Variants in MREG observed in about 807,000 individuals in gnomAD.
MREG encodes dilute suppressor protein homolog.
In MREG, 31 loss-of-function variants were observed where a neutral mutation model predicts 28.5. That is an observed-to-expected ratio of 1.09 (90% confidence interval 0.82 to 1.47). MREG has a LOEUF of 1.47. Ranked by LOEUF, MREG falls within the 40% of genes most tolerant of loss-of-function variation. The pLI is 0.00. For synonymous variants in MREG, 106 were observed against 95.2 expected (o/e 1.11, Z -0.66); for missense variants, 256 against 257.4 (o/e 0.99, Z 0.04).
At chr2:216,025,749 C>T (rs1054621844) in intron 1 of MREG, among the ~76,000 whole-genome samples, 1 of 152,242 alleles carries the variant, frequency 6.6e-6, no homozygotes, top group Admixed American at 6.5e-5. Context: ...TCCAGCAGCT[C>T]CTTCCTTCCG....
At chr2:215,942,235 C>G (rs1414312912), downstream of MREG, among the ~76,000 whole-genome samples, 2 of 152,014 alleles carry the variant, frequency 1.3e-5, no homozygotes, top group Non-Finnish European at 2.9e-5. Context: ...CACAGATGAG[C>G]CTTTAAGAAG....
intron 1 of MREG, among the ~76,000 whole-genome samples, chr2:216,012,698 T>C (rs886939114): frequency 3.9e-5 from 6 of 152,232 alleles, no homozygotes; most frequent in African/African-American, 1.4e-4. Flanking sequence ...TAACCTGTAA[T>C]GAATCAACAT....
chr2:215,983,053 G>T (rs1693471987), intron 2 of MREG, among the ~76,000 whole-genome samples: 2 of 152,132 alleles, frequency 1.3e-5, no homozygotes, highest in African/African-American at 4.8e-5. Flanking sequence ...CAAAGTAAAA[G>T]AAAGAATAAA....
At chr2:215,969,733 C>T (rs533281269) in intron 2 of MREG, among the ~76,000 whole-genome samples, 14 of 152,080 alleles carry the variant, frequency 9.2e-5, no homozygotes, top group Middle Eastern at 3.4e-3. Flanking sequence ...AAAGGGCAGA[C>T]GATGACTCTA....
chr2:216,022,192 A>T (rs1694529819), intron 1 of MREG, among the ~76,000 whole-genome samples: 1 of 152,194 alleles, frequency 6.6e-6, no homozygotes, highest in Non-Finnish European at 1.5e-5. Context: ...TGGAGGTTGC[A>T]GTGAGCTGAG....
intron 1 of MREG, among the ~76,000 whole-genome samples, chr2:216,010,341 A>G (rs1176913663): frequency 6.8e-6 from 1 of 147,562 alleles, no homozygotes; most frequent in African/African-American, 2.5e-5. Context: ...GAACTGTGAA[A>G]GAAAAGATTT....
chr2:216,009,830 C>G (rs1221524718), intron 1 of MREG, among the ~76,000 whole-genome samples: 2 of 152,116 alleles, frequency 1.3e-5, no homozygotes, highest in African/African-American at 4.8e-5. Context: ...CCCACTGCAC[C>G]TGGCCTCAGG....
chr2:215,984,261 C>T (rs915091973), intron 2 of MREG, among the ~76,000 whole-genome samples: 2 of 152,022 alleles, frequency 1.3e-5, no homozygotes, highest in Non-Finnish European at 2.9e-5. Context: ...ATTGAATTAC[C>T]TCCCCCCATG....
chr2:216,028,914 T>G (rs1344694), intron 1 of MREG, among the ~76,000 whole-genome samples: 105,368 of 151,598 alleles, frequency 0.7, 36,922 homozygotes, highest in African/African-American at 0.77. Context: ...AAAAAGAACA[T>G]AAAAAGGAAG....
downstream of MREG, among the ~76,000 whole-genome samples, chr2:215,940,006 TTTA>T (rs531612841): frequency 9.7e-4 from 147 of 152,314 alleles, no homozygotes; most frequent in Middle Eastern, 6.8e-3. Flanking sequence ...TCTCTCCAAA[TTTA>T]TTATCTTTAA....
intron 2 of MREG, among the ~76,000 whole-genome samples, chr2:215,976,401 C>T (rs1693262119): frequency 1.3e-5 from 2 of 152,222 alleles, no homozygotes; most frequent in African/African-American, 4.8e-5. Flanking sequence ...CATTCTGCTA[C>T]CTGCCTTCCC....
At chr2:216,029,944 G>A (rs79170212) in intron 1 of MREG, among the ~76,000 whole-genome samples, 3,343 of 152,208 alleles carry the variant, frequency 0.022, 141 homozygotes, top group African/African-American at 0.076. Flanking sequence ...GCCTGTGGTC[G>A]GTGCACATGC....
chr2:215,990,600 C>CAAATTGGAT (rs1476005943), intron 2 of MREG, among the ~76,000 whole-genome samples: 1 of 152,122 alleles, frequency 6.6e-6, no homozygotes, highest in Non-Finnish European at 1.5e-5. Context: ...CACAGACTGG[C>CAAATTGGAT]AAATTGGATA....
At chr2:216,031,647 A>AAAAGAAAGAAAGAAAGAAAGAAAG (rs200929112) in intron 1 of MREG, among the ~76,000 whole-genome samples, 10 of 98,070 alleles carry the variant, frequency 1.0e-4, no homozygotes, top group Non-Finnish European at 1.5e-4. Flanking sequence ...AAGGAAGAAG[A>AAAAGAAAGAAAGAAAGAAAGAAAG]AAAGAAAGAA....
chr2:215,945,559 G>T lies in MREG; in HGVS notation c.510+12C>A, dbSNP rs756739984. ...GCAAAATTAGGGCAAATGAAAAAAAGCATCCACTTACCACAACAAAGAGAT... is the reference window on the plus strand; with the variant it reads ...GCAAAATTAGGGCAAATGAAAAAAATCATCCACTTACCACAACAAAGAGAT... On this transcript the variant is annotated intron_variant, in intron 4 of 4. Coordinates refer to ENST00000263268, the MANE Select transcript of MREG (RefSeq NM_018000.3). The T allele has an allele frequency of 5.6e-6, 9 of 1,602,806 alleles. No homozygotes were observed. In the East Asian group the frequency reaches 1.3e-4, roughly 24 times the overall value.
chr2:215,995,201 G>A (rs1574637925), intron 2 of MREG, among the ~76,000 whole-genome samples: 1 of 152,200 alleles, frequency 6.6e-6, no homozygotes, highest in East Asian at 1.9e-4. Context: ...GGCAGCCAGA[G>A]GTAGTGGGTG....
chr2:215,966,276 G>A (rs138163191), intron 2 of MREG, among the ~76,000 whole-genome samples: 57 of 152,130 alleles, frequency 3.7e-4, no homozygotes, highest in Admixed American at 2.1e-3. Context: ...CATGATCCGC[G>A]TGGATCTGAT....
chr2:215,942,967 A>G lies in MREG; in HGVS notation c.*1896T>C, dbSNP rs1440930705. 4 of 152,810 alleles carry G rather than the reference A, an allele frequency of 2.6e-5. No individual in the cohort carries two copies. Among genetic ancestry groups the G allele is most frequent in the African/African-American group, 7.2e-5 (3 of 41,460 alleles). The allele number at this position is 152,810 out of a possible 1,614,324, so 9.5% of individuals were successfully genotyped here. ...CTTTTAGCTTGCTTATTAAACTAGG[A>G]AGAATTTTCCTGAAACACAGCAGTT... is the stretch of plus-strand genomic sequence containing the variant. On this transcript the variant is annotated 3_prime_UTR_variant, in exon 5 of 5. Coordinates refer to ENST00000263268, the MANE Select transcript of MREG (RefSeq NM_018000.3).
chr2:215,984,461 T>C (rs1335245401), intron 2 of MREG, among the ~76,000 whole-genome samples: 1 of 138,082 alleles, frequency 7.2e-6, no homozygotes, highest in African/African-American at 2.8e-5. Flanking sequence ...GAGGCTATCA[T>C]GAGCTATGAT....
Sources: allele counts gnomAD v4.1 joint callset (sites outside exome capture counted in the v4.1 genomes callset), GRCh38; gene constraint gnomAD v4.1.1; transcripts MANE v1.5; gene names NCBI Gene and HGNC (gene_info 2026-07-23, HGNC 2026-07-21).